Variants in CLIC4 observed in about 807,000 individuals in gnomAD.
CLIC4 encodes the protein CLIC family member 4.
In CLIC4, 13 loss-of-function variants were observed where a neutral mutation model predicts 24.6. The observed-to-expected ratio is 0.53, with a 90% CI of 0.34 to 0.84. The LOEUF is 0.84. Among genes scored for constraint, CLIC4 ranks in the 40% least tolerant of loss-of-function variants. CLIC4 has a pLI of 0.01. For synonymous variants in CLIC4, 104 were observed against 111.3 expected, an observed-to-expected ratio of 0.93 and a Z score of 0.41; for missense variants, 227 against 301.7, an observed-to-expected ratio of 0.75 and a Z score of 1.83.
chr1:24,751,233 G>T lies in CLIC4; in HGVS notation c.72+5608G>T, dbSNP rs963093237. ...TTTTTTTTTTTTTTTTTTTTGAGAT[G>T]GAGTCTTGCACTGTTACCCGGGCTG... is the stretch of plus-strand genomic sequence containing the variant. On this transcript the variant is annotated intron_variant, in intron 1 of 5. Transcript: ENST00000374379. 9.1e-4 allele frequency among the ~76,000 whole-genome samples: 116 copies of T among 127,474 alleles called. 1 individual carries two copies. Among genetic ancestry groups the T allele is most frequent in the Admixed American group, 3.9e-3 (47 of 12,126 alleles). The allele number at this position is 127,474 out of a possible 152,430, so 83.6% of individuals were successfully genotyped here.
chr1:24,789,940 C>A (rs1639313369), intron 1 of CLIC4, among the ~76,000 whole-genome samples: 1 of 152,262 alleles, frequency 6.6e-6, no homozygotes, highest in East Asian at 1.9e-4. Flanking sequence ...CTTTAAACTT[C>A]TGACACTCAA....
intron 2 of CLIC4, among the ~76,000 whole-genome samples, chr1:24,799,101 C>G (rs1455943539): frequency 2.6e-5 from 4 of 151,266 alleles, no homozygotes; most frequent in African/African-American, 7.3e-5. Flanking sequence ...TCTGCCTGGC[C>G]GCGCATCGTC....
chr1:24,786,801 G>A (rs1226327361), intron 1 of CLIC4, among the ~76,000 whole-genome samples: 1 of 151,894 alleles, frequency 6.6e-6, no homozygotes, highest in Non-Finnish European at 1.5e-5. Flanking sequence ...TGTATTTTTA[G>A]TAGAGACGAG....
intron 1 of CLIC4, among the ~76,000 whole-genome samples, chr1:24,788,119 T>C (rs578261193): frequency 2.0e-5 from 3 of 152,202 alleles, no homozygotes; most frequent in African/African-American, 7.2e-5. Context: ...CCCAAAGTGC[T>C]GGGATTACAG....
chr1:24,844,107 C>T lies in CLIC4; in HGVS notation c.*3170C>T, dbSNP rs1014237885. ...ATGGAAAAATTTCAACTCCTCAAGC[C>T]GTAATGTTGAACAGAATTGGAGTAT... On this transcript the variant is annotated 3_prime_UTR_variant, in exon 6 of 6. Transcript: ENST00000374379. The T allele has an allele frequency of 6.6e-6, 1 of 152,504 alleles. No individual in the cohort carries two copies. Among genetic ancestry groups the T allele is most frequent in the African/African-American group, 2.4e-5 (1 of 41,410 alleles). 9.4% of individuals were successfully genotyped at this position (152,504 alleles called of 1,614,324 possible).
chr1:24,794,833 AT>A (rs1639381317), intron 1 of CLIC4, among the ~76,000 whole-genome samples: 1 of 152,176 alleles, frequency 6.6e-6, no homozygotes, highest in African/African-American at 2.4e-5. Context: ...TGGGTTTTAC[AT>A]TTAAGTCTTT....
intron 1 of CLIC4, among the ~76,000 whole-genome samples, chr1:24,775,338 CTT>C: frequency 7.5e-6 from 1 of 133,982 alleles, no homozygotes; most frequent in East Asian, 2.3e-4. Flanking sequence ...GTAAATTTGT[CTT>C]TTTTTGGGAA....
intron 3 of CLIC4, among the ~76,000 whole-genome samples, chr1:24,822,887 T>A (rs1297738293): frequency 6.6e-6 from 1 of 152,176 alleles, no homozygotes; most frequent in Admixed American, 6.5e-5. Context: ...TCCTTCCCTC[T>A]ATTGTGCTAT....
chr1:24,812,010 A>G (rs1216891266), intron 2 of CLIC4, among the ~76,000 whole-genome samples: 1 of 152,042 alleles, frequency 6.6e-6, no homozygotes, highest in African/African-American at 2.4e-5. Context: ...GGTGTTTTCA[A>G]TTTTTCCTAA....
chr1:24,826,328 C>T (rs767636557), intron 3 of CLIC4, among the ~76,000 whole-genome samples: 14 of 152,090 alleles, frequency 9.2e-5, no homozygotes, highest in South Asian at 8.3e-4. Context: ...AGGTTTCAAG[C>T]GATTGATCCG....
intron 2 of CLIC4, among the ~76,000 whole-genome samples, chr1:24,801,334 A>G (rs1639488049): frequency 6.6e-6 from 1 of 152,188 alleles, no homozygotes; most frequent in African/African-American, 2.4e-5. Flanking sequence ...ATAGAAGTCA[A>G]AGGGGAAGCA....
chr1:24,821,640 A>G (rs1434147997), intron 3 of CLIC4, among the ~76,000 whole-genome samples: 1 of 152,044 alleles, frequency 6.6e-6, no homozygotes, highest in Non-Finnish European at 1.5e-5. Context: ...TGCAGCCTCA[A>G]CCTCCCAGGC....
intron 1 of CLIC4, among the ~76,000 whole-genome samples, chr1:24,762,054 G>T (rs1638933083): frequency 6.6e-6 from 1 of 152,112 alleles, no homozygotes; most frequent in Non-Finnish European, 1.5e-5. Flanking sequence ...GCAGGGTAGA[G>T]ATATTTGGGA....
chr1:24,781,670 T>A (rs570487880), intron 1 of CLIC4, among the ~76,000 whole-genome samples: 95 of 144,114 alleles, frequency 6.6e-4, no homozygotes, highest in African/African-American at 2.2e-3. Context: ...TGAGACCTAT[T>A]TTTTTTTTTT....
intron 2 of CLIC4, among the ~76,000 whole-genome samples, chr1:24,801,194 G>C (rs989364883): frequency 3.3e-5 from 5 of 152,142 alleles, no homozygotes; most frequent in African/African-American, 9.7e-5. Context: ...CTATTAGTCT[G>C]TTCTCACATT....
chr1:24,769,773 C>T (rs189509758), intron 1 of CLIC4, among the ~76,000 whole-genome samples: 10 of 152,158 alleles, frequency 6.6e-5, no homozygotes, highest in Non-Finnish European at 1.0e-4. Context: ...TACCTCACCT[C>T]GTTGCATTTT....
At chr1:24,810,455 C>T (rs940318590) in intron 2 of CLIC4, among the ~76,000 whole-genome samples, 1 of 152,102 alleles carries the variant, frequency 6.6e-6, no homozygotes, top group African/African-American at 2.4e-5. Flanking sequence ...CCTGCATTTC[C>T]TGTAAATAAT....
intron 1 of CLIC4, among the ~76,000 whole-genome samples, chr1:24,797,127 T>C (rs551195672): frequency 1.3e-5 from 2 of 151,086 alleles, no homozygotes; most frequent in African/African-American, 4.8e-5. Context: ...CTAATTTTTT[T>C]ATTTTTAGTA....
At chr1:24,824,996 TCA>T (rs3220273) in intron 3 of CLIC4, among the ~76,000 whole-genome samples, 18,812 of 133,720 alleles carry the variant, frequency 0.14, 1,291 homozygotes, top group African/African-American at 0.18. Flanking sequence ...GGAGACCCTG[TCA>T]CACACACACA....
Sources: gnomAD v4.1 joint callset for allele counts (sites outside exome capture counted in the v4.1 genomes callset) on GRCh38, gnomAD v4.1.1 for gene constraint, MANE v1.5 for transcripts, NCBI Gene and HGNC (gene_info 2026-07-23, HGNC 2026-07-21) for gene names.